IGF2BP1: variants seen among roughly 807,000 people sequenced by gnomAD.
The protein encoded by IGF2BP1 is insulin-like growth factor 2 mRNA-binding protein 1.
IGF2BP1 carries 11 observed loss-of-function variants against 74.9 expected under a neutral mutation model. The ratio of observed to expected loss-of-function variants is 0.15; its 90% CI spans 0.09 to 0.24. The LOEUF (loss-of-function observed/expected upper bound fraction) is 0.24. IGF2BP1 is among the 10% of genes least tolerant of loss of function. The pLI, the probability that IGF2BP1 is intolerant of heterozygous loss-of-function variation, is 1.00. For missense variants in IGF2BP1, 440 were observed against 757.4 expected (o/e 0.58, Z 4.92); for synonymous variants, 287 against 281.8 (o/e 1.02, Z -0.18).
Position 49,045,963 on chromosome 17 carries a change from C to T in IGF2BP1, c.1469C>T (p.Thr490Ile). 1 of 1,614,128 alleles carries T rather than the reference C, an allele frequency of 6.2e-7. No individual in the cohort carries two copies. Among genetic ancestry groups the T allele is most frequent in the Non-Finnish European group, 8.5e-7 (1 of 1,180,008 alleles). Residue 490 changes from threonine (T) to isoleucine (I), a missense_variant, in exon 13 of 15, where the codon ACC becomes ATC. Thr to Ile is a moderately conservative substitution (Grantham distance 89). This residue lies in a region of IGF2BP1 where 117 missense variants were observed against 237.2 expected (regional missense o/e 0.49). Transcript: ENST00000290341. The stretch of plus-strand genomic sequence containing the variant: ...CCCAAGGAGGAAGTGAAGCTGGAGA[C>T]CCACATACGTGTGCCAGCATCAGCA... Reference protein sequence around the residue: ...FGPKEEVKLETHIRVPASAAG... With the variant: ...FGPKEEVKLEIHIRVPASAAG...
intron 2 of IGF2BP1, among the ~76,000 whole-genome samples, chr17:49,004,257 C>G (rs2041520941): frequency 6.6e-6 from 1 of 152,250 alleles, no homozygotes; most frequent in Non-Finnish European, 1.5e-5. Flanking sequence ...CTGGGAACCC[C>G]AGATCGCAAA....
intron 9 of IGF2BP1, 35 bp from the exon 10 acceptor site, chr17:49,043,393 T>TG: frequency 3.1e-6 from 5 of 1,611,244 alleles, no homozygotes; most frequent in Non-Finnish European, 4.2e-6. Context: ...CCTGTCAGGG[T>TG]GTGCTGACTC....
At chr17:49,006,778 G>A (rs1403321316) in intron 2 of IGF2BP1, among the ~76,000 whole-genome samples, 1 of 152,186 alleles carries the variant, frequency 6.6e-6, no homozygotes, top group Non-Finnish European at 1.5e-5. Context: ...CCTGTATGTT[G>A]AAAGGAAAAG....
chr17:49,047,751 C>T (rs374167015), intron 14 of IGF2BP1, among the ~76,000 whole-genome samples: 78 of 150,636 alleles, frequency 5.2e-4, no homozygotes, highest in African/African-American at 6.4e-4. Context: ...TCTCGCTCTG[C>T]CATCCAGGCT....
intron 5 of IGF2BP1, among the ~76,000 whole-genome samples, chr17:49,036,002 A>G (rs1484169506): frequency 6.6e-6 from 1 of 151,928 alleles, no homozygotes; most frequent in Admixed American, 6.6e-5. Flanking sequence ...CCAGCCGGTC[A>G]CTGTTTAAGG....
At chr17:49,019,214 C>G (rs2041744885) in intron 2 of IGF2BP1, among the ~76,000 whole-genome samples, 1 of 152,134 alleles carries the variant, frequency 6.6e-6, no homozygotes, top group East Asian at 1.9e-4. Flanking sequence ...TTTTCAGTCT[C>G]CCATTCACAC....
chr17:48,998,044 C>A, intron 1 of IGF2BP1, 124 bp downstream of exon 1: 1 of 1,073,030 alleles, frequency 9.3e-7, no homozygotes, highest in Non-Finnish European at 1.3e-6. Flanking sequence ...GGCCTCCGTA[C>A]CCACCCTCGA....
At chr17:49,011,856 T>G (rs1025054416) in intron 2 of IGF2BP1, among the ~76,000 whole-genome samples, 23 of 151,528 alleles carry the variant, frequency 1.5e-4, no homozygotes, top group African/African-American at 5.6e-4. Context: ...TGTATTTTCC[T>G]ATCGCCGTTG....
intron 2 of IGF2BP1, among the ~76,000 whole-genome samples, chr17:49,008,398 C>CT (rs2041577047): frequency 6.6e-6 from 1 of 152,132 alleles, no homozygotes; most frequent in Non-Finnish European, 1.5e-5. Flanking sequence ...ATAGGGTTTT[C>CT]TTCCTCTCTA....
At chr17:49,049,040 A>G (rs1434927720) in intron 14 of IGF2BP1, among the ~76,000 whole-genome samples, 1 of 152,110 alleles carries the variant, frequency 6.6e-6, no homozygotes, top group Non-Finnish European at 1.5e-5. Context: ...GGTAATGTTT[A>G]TCAACTTTGT....
rs2042143325 is a variant in IGF2BP1 at position 49,049,443 on chromosome 17, G to A, written c.1733G>A (p.Ter578=). The change falls in exon 15 of 15, where the codon TGA becomes TAA. Residue 578 remains the stop codon, a stop_retained_variant. Coordinates refer to ENST00000290341, the MANE Select transcript of IGF2BP1 (RefSeq NM_006546.4). ...QSNQAQARRK[*] ...AACCAGGCCCAGGCACGGAGGAAGT[G>A]ACCAGCCCCTCCCTGTCCCTTCGAG... 6.2e-7 allele frequency: 1 copy of A among 1,613,584 alleles called. No individual in the cohort carries two copies. Among genetic ancestry groups the A allele is most frequent in the Admixed American group, 1.7e-5 (1 of 60,018 alleles).
chr17:49,043,773 C>T (rs1319786983), intron 10 of IGF2BP1, among the ~76,000 whole-genome samples, 194 bp from the exon 11 acceptor site: 1 of 152,206 alleles, frequency 6.6e-6, no homozygotes, highest in Non-Finnish European at 1.5e-5. Context: ...TGTTCCCTTA[C>T]TCTCTCCTGG....
At chr17:49,032,460 T>C (rs1435157393) in intron 5 of IGF2BP1, among the ~76,000 whole-genome samples, 1 of 152,162 alleles carries the variant, frequency 6.6e-6, no homozygotes, top group East Asian at 1.9e-4. Context: ...TGGGGTCCTT[T>C]TAGTCCCATC....
At chr17:49,023,649 A>T (rs2041817887) in intron 2 of IGF2BP1, among the ~76,000 whole-genome samples, 1 of 152,162 alleles carries the variant, frequency 6.6e-6, no homozygotes, top group Non-Finnish European at 1.5e-5. Flanking sequence ...AGAGAGGCTT[A>T]ATTAGAGGGA....
At chr17:49,025,296 AGTG>A (rs929368582) in intron 2 of IGF2BP1, among the ~76,000 whole-genome samples, 1 of 146,994 alleles carries the variant, frequency 6.8e-6, no homozygotes, top group African/African-American at 2.5e-5. Flanking sequence ...GGAATGAGAA[AGTG>A]GTGGGACAAA....
chr17:49,015,696 G>T (rs992777880), intron 2 of IGF2BP1, among the ~76,000 whole-genome samples: 3 of 152,212 alleles, frequency 2.0e-5, no homozygotes, highest in Non-Finnish European at 4.4e-5. Context: ...TCAAGGTCGG[G>T]GGAGAGGGTG....
At chr17:49,040,172 C>T (rs1008412830) in intron 7 of IGF2BP1, 81 bp downstream of exon 7, 8 of 1,453,156 alleles carry the variant, frequency 5.5e-6, no homozygotes, top group Non-Finnish European at 7.6e-6. Flanking sequence ...AGCTTTTATA[C>T]AGACATATAA....
rs1458833715 is a variant in IGF2BP1, at chr17:49,052,879, TA to T, written c.*3436del. 1.3e-5 allele frequency: 2 copies of T among 152,462 alleles called. No individual in the cohort carries two copies. Among genetic ancestry groups the T allele is most frequent in the Admixed American group, 6.5e-5 (1 of 15,278 alleles). 9.4% of individuals were successfully genotyped at this position (152,462 alleles called of 1,614,324 possible). A position where few individuals can be genotyped will look rare whatever the true frequency, so the allele number is the denominator to read the frequency against. On this transcript the variant is annotated 3_prime_UTR_variant, in exon 15 of 15. Transcript: ENST00000290341. ...TATTTTTAAGAAAGGACCATCTCTT[TA>T]GGATATATTTTTAAATTCTTTGAAA...
At chr17:49,035,024 T>A (rs1390579062) in intron 5 of IGF2BP1, among the ~76,000 whole-genome samples, 1 of 152,228 alleles carries the variant, frequency 6.6e-6, no homozygotes, top group African/African-American at 2.4e-5. Context: ...AACTCCCGAA[T>A]TTTAAAACTT....
Sources: allele counts gnomAD v4.1 joint callset (sites outside exome capture counted in the v4.1 genomes callset), GRCh38; gene constraint gnomAD v4.1.1; regional missense constraint gnomAD v4.1.1; transcripts MANE v1.5; gene names NCBI Gene and HGNC (gene_info 2026-07-23, HGNC 2026-07-21).